GALNTL5: variants seen among roughly 807,000 people sequenced by gnomAD.
GALNTL5 encodes inactive polypeptide N-acetylgalactosaminyltransferase-like protein 5.
Under a neutral mutation model 51.0 loss-of-function variants are expected in GALNTL5, and 44 were observed. The ratio of observed to expected loss-of-function variants is 0.86; its 90% CI spans 0.68 to 1.11. The LOEUF is 1.11. Among genes scored for constraint, GALNTL5 ranks in the 50% least tolerant of loss-of-function variants. The pLI is 0.00. For synonymous variants in GALNTL5, 192 were observed against 182.8 expected (o/e 1.05, Z -0.41); for missense variants, 528 against 531.8 (o/e 0.99, Z 0.07).
At chr7:152,004,401 G>A (rs2081618219) in intron 6 of GALNTL5, among the ~76,000 whole-genome samples, 1 of 150,784 alleles carries the variant, frequency 6.6e-6, no homozygotes, top group African/African-American at 2.4e-5. Context: ...GAAAACATAA[G>A]TTATTTTTTA....
chr7:152,002,602 A>G (rs1055487176), intron 5 of GALNTL5, 112 bp from the exon 6 acceptor site: 2 of 1,129,124 alleles, frequency 1.8e-6, no homozygotes, highest in African/African-American at 1.5e-5. Context: ...GCACTGTAAG[A>G]GCCAAACACA....
Position 152,019,831 on chromosome 7 carries a change from G to A in GALNTL5, c.*30G>A, listed in dbSNP as rs577183791. 1.3e-6 allele frequency: 2 copies of A among 1,578,484 alleles called. No homozygotes were observed. Among genetic ancestry groups the A allele is most frequent in the Non-Finnish European group, 1.7e-6 (2 of 1,155,324 alleles). ...AAAACAAATCACTTTCATTAATAAA[G>A]GGTTAAAAGTCTCCTAGTCATTCAA... On this transcript the variant is annotated 3_prime_UTR_variant, in exon 9 of 9. Coordinates refer to ENST00000392800, the MANE Select transcript of GALNTL5 (RefSeq NM_145292.4).
intron 3 of GALNTL5, chr7:151,982,778 G>A (rs1446500892): frequency 9.7e-7 from 1 of 1,033,608 alleles, no homozygotes; most frequent in Non-Finnish European, 1.4e-6. Flanking sequence ...CATTAAGAAG[G>A]GGGAAATTAT....
chr7:152,005,571 G>A (rs1366158612), intron 6 of GALNTL5, among the ~76,000 whole-genome samples: 1 of 152,184 alleles, frequency 6.6e-6, no homozygotes, highest in Non-Finnish European at 1.5e-5. Flanking sequence ...GAAGTAGGTA[G>A]TTGGATGCAG....
intron 3 of GALNTL5, among the ~76,000 whole-genome samples, chr7:151,978,911 C>G (rs2081240005): frequency 6.6e-6 from 1 of 152,050 alleles, no homozygotes; most frequent in African/African-American, 2.4e-5. Context: ...GCTCTTTTTC[C>G]AAATAGGATC....
Position 151,996,990 on chromosome 7 carries a change from G to A in GALNTL5, c.659-5724G>A, listed in dbSNP as rs555466741. ...GAAATACTGTGAAATTGATACATAC[G>A]CTATTTGTTGCTTTTCAAAAAACAA... On this transcript the variant is annotated intron_variant, in intron 5 of 8. Coordinates refer to ENST00000392800, the MANE Select transcript of GALNTL5 (RefSeq NM_145292.4). 8.4e-5 allele frequency among the ~76,000 whole-genome samples: 12 copies of A among 143,510 alleles called. No homozygotes were observed. In the South Asian group the frequency reaches 1.2e-3, roughly 15 times the overall value. 94.1% of individuals were successfully genotyped at this position (143,510 alleles called of 152,430 possible).
intron 7 of GALNTL5, among the ~76,000 whole-genome samples, chr7:152,013,989 A>G (rs1471033788): frequency 6.6e-6 from 1 of 152,236 alleles, no homozygotes; most frequent in Admixed American, 6.5e-5. Flanking sequence ...TTCAGTCATG[A>G]TCAGCATTTC....
At chr7:151,977,010 G>T (rs1282645737) in intron 3 of GALNTL5, among the ~76,000 whole-genome samples, 1 of 152,104 alleles carries the variant, frequency 6.6e-6, no homozygotes, top group African/African-American at 2.4e-5. Flanking sequence ...AGGACAGCCT[G>T]TTACTATTGT....
At chr7:152,003,642 G>A (rs1267966098) in intron 6 of GALNTL5, among the ~76,000 whole-genome samples, 1 of 152,056 alleles carries the variant, frequency 6.6e-6, no homozygotes, top group African/African-American at 2.4e-5. Context: ...GAACAAAGAG[G>A]AACAAAAGTG....
chr7:152,016,606 C>T (rs1237997067), intron 8 of GALNTL5, among the ~76,000 whole-genome samples: 3 of 152,152 alleles, frequency 2.0e-5, no homozygotes, highest in Non-Finnish European at 4.4e-5. Context: ...TGCTTTTGTG[C>T]ACCAGGACAC....
intron 6 of GALNTL5, among the ~76,000 whole-genome samples, chr7:152,007,539 C>T (rs1169311319): frequency 6.6e-6 from 1 of 151,564 alleles, no homozygotes; most frequent in East Asian, 1.9e-4. Flanking sequence ...CTGCCTCAGC[C>T]TCCCGAGTAG....
chr7:152,019,871 A>G lies in GALNTL5; in HGVS notation c.*70A>G, dbSNP rs1049548638. 7.5e-7 allele frequency: 1 copy of G among 1,327,486 alleles called. No individual in the cohort carries two copies. Among genetic ancestry groups the G allele is most frequent in the African/African-American group, 1.5e-5 (1 of 67,600 alleles). The allele number at this position is 1,327,486 out of a possible 1,614,324, so 82.2% of individuals were successfully genotyped here. A position where few individuals can be genotyped will look rare whatever the true frequency, so the allele number is the denominator to read the frequency against. ...TAGTCATTCAACATAGTGTCACAAG[A>G]GTGTAAGTTTGGAACATCGTGGAAT... On this transcript the variant is annotated 3_prime_UTR_variant, in exon 9 of 9. Transcript: ENST00000392800.
At position 151,994,047 on chromosome 7, in the gene GALNTL5, T is replaced by C. The variant is rs190935027; in HGVS notation, c.658+6766T>C. 2.6e-5 allele frequency among the ~76,000 whole-genome samples: 4 copies of C among 152,372 alleles called. No homozygotes were observed. In the East Asian group the frequency reaches 7.7e-4, roughly 29 times the overall value. ...AATTCGACTTCATTTCTAAGTTTCT[T>C]AGAGTTGTACTGAAACCTTCAGCTA... On this transcript the variant is annotated intron_variant, in intron 5 of 8. Transcript: ENST00000392800.
chr7:151,970,871 T>C, intron 2 of GALNTL5, 74 bp from the exon 3 acceptor site: 2 of 1,251,230 alleles, frequency 1.6e-6, no homozygotes, highest in Non-Finnish European at 2.2e-6. Context: ...GTTTTGGTTA[T>C]TCTAGATCTT....
chr7:152,007,413 C>CTTTT (rs34271081), intron 6 of GALNTL5, among the ~76,000 whole-genome samples: 25 of 109,954 alleles, frequency 2.3e-4, no homozygotes, highest in African/African-American at 5.8e-4. Context: ...AATGTTTTCT[C>CTTTT]TTTTTTTTTT....
At chr7:151,961,125 G>A (rs569719283) in intron 1 of GALNTL5, among the ~76,000 whole-genome samples, 3 of 152,276 alleles carry the variant, frequency 2.0e-5, no homozygotes, top group South Asian at 4.1e-4. Flanking sequence ...CCAGGAGTTC[G>A]AGGCTGCAGT....
chr7:151,968,716 C>T (rs191642757), intron 2 of GALNTL5, among the ~76,000 whole-genome samples: 38 of 152,310 alleles, frequency 2.5e-4, no homozygotes, highest in African/African-American at 9.1e-4. Context: ...CCAAACTGTT[C>T]CCCAAAGTAG....
At chr7:152,008,490 A>G (rs2081682008) in intron 7 of GALNTL5, among the ~76,000 whole-genome samples, 1 of 151,788 alleles carries the variant, frequency 6.6e-6, no homozygotes, top group Non-Finnish European at 1.5e-5. Flanking sequence ...TAATATTTTA[A>G]ATCTATTGTC....
Position 152,002,828 on chromosome 7 carries a change from T to C in GALNTL5, c.773T>C (p.Val258Ala), listed in dbSNP as rs747204163. The stretch of plus-strand genomic sequence containing the variant: ...ATGGTGGTGTGCCCCCTGATAGATG[T>C]CATTGATGATAGAACTCTGGAGTAT... ...PKMVVCPLID[V>A]IDDRTLEYKP... Residue 258 changes from valine (V) to alanine (A), a missense_variant, in exon 6 of 9, where the codon GTC becomes GCC. Physicochemically the swap from Val to Ala is moderately conservative, Grantham distance 64 (BLOSUM62 0). Coordinates refer to ENST00000392800, the MANE Select transcript of GALNTL5 (RefSeq NM_145292.4). 62 of 1,614,140 alleles carry C rather than the reference T, an allele frequency of 3.8e-5. No individual in the cohort carries two copies. Among genetic ancestry groups the C allele is most frequent in the Non-Finnish European group, 4.8e-5 (57 of 1,180,024 alleles).
Sources: gnomAD v4.1 joint callset for allele counts (sites outside exome capture counted in the v4.1 genomes callset) on GRCh38, gnomAD v4.1.1 for gene constraint, MANE v1.5 for transcripts, NCBI Gene and HGNC (gene_info 2026-07-23, HGNC 2026-07-21) for gene names.